Variants in ZNF518A observed in about 807,000 individuals in gnomAD.
ZNF518A encodes the protein zinc finger protein 518A.
In ZNF518A, 47 loss-of-function variants were observed where a neutral mutation model predicts 102.7. The ratio of observed to expected loss-of-function variants is 0.46; its 90% confidence interval spans 0.36 to 0.58. The LOEUF (loss-of-function observed/expected upper bound fraction) is 0.58. ZNF518A is among the 20% of genes least tolerant of loss of function. The pLI is 0.00. For synonymous variants in ZNF518A, 652 were observed against 594.6 expected (o/e 1.10, Z -1.40); for missense variants, 1,793 against 1,699.8 (o/e 1.05, Z -0.96).
At chr10:96,191,240 T>TTTC (rs1362735320) in intron 1 of ZNF518A, among the ~76,000 whole-genome samples, 6 of 150,768 alleles carry the variant, frequency 4.0e-5, no homozygotes, top group Non-Finnish European at 8.9e-5. Context: ...AACCTCTTTT[T>TTTC]TTTTTTTTTT....
intron 1 of ZNF518A, among the ~76,000 whole-genome samples, chr10:96,195,993 T>C (rs1452566779): frequency 1.3e-5 from 2 of 152,244 alleles, no homozygotes; most frequent in Non-Finnish European, 2.9e-5. Flanking sequence ...GAAAAGACAT[T>C]GTCCTTGGCT....
intron 3 of ZNF518A, among the ~76,000 whole-genome samples, chr10:96,152,091 C>G (rs1470522721): frequency 6.6e-6 from 1 of 152,178 alleles, no homozygotes; most frequent in African/African-American, 2.4e-5. Flanking sequence ...GCGAGTGGAT[C>G]GCTTGAGCTC....
upstream of ZNF518A, chr10:96,130,261 G>C (rs1388244495): frequency 6.6e-6 from 1 of 152,374 alleles, no homozygotes; most frequent in Non-Finnish European, 1.5e-5. Context: ...GAGGAAGCGC[G>C]AGTTAAATAG....
intron 1 of ZNF518A, among the ~76,000 whole-genome samples, chr10:96,183,361 G>A (rs2133894664): frequency 6.6e-6 from 1 of 152,208 alleles, no homozygotes; most frequent in East Asian, 1.9e-4. Flanking sequence ...GCTAGCTTTT[G>A]AATGTGTTTG....
chr10:96,130,963 G>C (rs587725478), intron 1 of ZNF518A: 1 of 152,216 alleles, frequency 6.6e-6, no homozygotes, highest in African/African-American at 2.4e-5. Context: ...TAAGTGGACC[G>C]ATCAAACAGA....
chr10:96,131,161 G>T (rs1266943744), intron 1 of ZNF518A, among the ~76,000 whole-genome samples: 7 of 152,174 alleles, frequency 4.6e-5, no homozygotes, highest in African/African-American at 1.7e-4. Context: ...GTTGGAATTT[G>T]TACAGTTGTC....
Position 96,158,105 on chromosome 10 carries a change from A to T in ZNF518A, c.1783A>T (p.Ile595Phe). ...TCACCCCGAGGTATTAGGTACCACC[A>T]TTAAAAGTCCAGATAAAGTCAACTG... ...QSHPEVLGTT[I>F]KSPDKVNCVA... The change falls in exon 6 of 6, where the codon ATT (isoleucine) becomes TTT (phenylalanine). Residue 595 changes from isoleucine to phenylalanine, a missense_variant. Physicochemically the swap from Ile to Phe is conservative, Grantham distance 21 (BLOSUM62 0). Around this residue, in one of 3 missense-constraint regions of ZNF518A, gnomAD observed 1,741 missense variants for 1,622.6 expected, o/e 1.07. Coordinates refer to ENST00000316045, the MANE Select transcript of ZNF518A (RefSeq NM_001330736.2). 1.2e-6 allele frequency: 2 copies of T among 1,613,614 alleles called. No homozygotes were observed. Among genetic ancestry groups the T allele is most frequent in the Non-Finnish European group, 1.7e-6 (2 of 1,179,686 alleles).
chr10:96,157,503 C>T lies in ZNF518A; in HGVS notation c.1181C>T (p.Thr394Ile), dbSNP rs368592592. The T allele has an allele frequency of 1.7e-5, 27 of 1,613,842 alleles. No homozygotes were observed. Among genetic ancestry groups the T allele is most frequent in the Non-Finnish European group, 2.2e-5 (26 of 1,179,772 alleles). Residue 394 changes from threonine to isoleucine, a missense_variant, in exon 6 of 6, where the codon ACT (threonine) becomes ATT (isoleucine). Physicochemically the swap from Thr to Ile is moderately conservative, Grantham distance 89. This residue lies in a region of ZNF518A where 1,741 missense variants were observed against 1,622.6 expected (regional missense o/e 1.07). Transcript: ENST00000316045. ...KAPESESEKP[T>I]PLSTGQGNRA... is the part of the protein sequence containing the mutation. Reference sequence around the variant, plus strand: ...CCTGAATCAGAGTCAGAGAAGCCAACTCCTCTGTCCACTGGGCAAGGTAAT... The same window carrying T: ...CCTGAATCAGAGTCAGAGAAGCCAATTCCTCTGTCCACTGGGCAAGGTAAT...
chr10:96,196,976 T>G, intron 1 of ZNF518A: 1 of 1,613,490 alleles, frequency 6.2e-7, no homozygotes, highest in Non-Finnish European at 8.5e-7. Flanking sequence ...ACAGGAATAT[T>G]ATATACTCGC....
At chr10:96,177,434 T>A (rs2083212119) in intron 1 of ZNF518A, among the ~76,000 whole-genome samples, 1 of 152,196 alleles carries the variant, frequency 6.6e-6, no homozygotes, top group African/African-American at 2.4e-5. Context: ...CACAAAGGAA[T>A]TAAGAGCACT....
Position 96,162,229 on chromosome 10 carries a change from CAGTTT to C in ZNF518A, c.*1460_*1464del, listed in dbSNP as rs1408279289. 6.0e-6 allele frequency: 1 copy of C among 166,726 alleles called. No homozygotes were observed. Among genetic ancestry groups the C allele is most frequent in the African/African-American group, 2.4e-5 (1 of 41,400 alleles). 10.3% of individuals were successfully genotyped at this position (166,726 alleles called of 1,614,324 possible). A position where few individuals can be genotyped will look rare whatever the true frequency, so the allele number is the denominator to read the frequency against. On this transcript the variant is annotated 3_prime_UTR_variant, in exon 6 of 6. Coordinates refer to ENST00000316045, the MANE Select transcript of ZNF518A (RefSeq NM_001330736.2). ...TTTTTGGCATAAGTTTATTTTCTTT[CAGTTT>C]AGTTCAGTGCATGCACTAATAAAAC...
downstream of ZNF518A, among the ~76,000 whole-genome samples, chr10:96,167,796 A>G (rs1554890523): frequency 1.3e-5 from 2 of 152,234 alleles, no homozygotes; most frequent in East Asian, 1.9e-4. Flanking sequence ...AAACTGTAAA[A>G]CTTACAAAAA....
At chr10:96,196,601 A>T (rs1301143734) in intron 1 of ZNF518A, among the ~76,000 whole-genome samples, 4 of 152,166 alleles carry the variant, frequency 2.6e-5, no homozygotes, top group African/African-American at 9.7e-5. Context: ...TACAACCTTA[A>T]TTCAACTTGA....
At chr10:96,174,850 G>C (rs1327193092) in intron 1 of ZNF518A, among the ~76,000 whole-genome samples, 1 of 152,130 alleles carries the variant, frequency 6.6e-6, no homozygotes, top group Non-Finnish European at 1.5e-5. Flanking sequence ...GCATATGTTG[G>C]TGCTTTAACC....
Position 96,159,450 on chromosome 10 carries a change from A to G in ZNF518A, c.3128A>G (p.Asn1043Ser). ...TTGAGCATGAAAAGTAGCTCAGAAA[A>G]TACTTTGCCATTAAAAGGCCCTTAC... ...SCLSMKSSSE[N>S]TLPLKGPYIL... Residue 1043 changes from asparagine (N) to serine (S), a missense_variant, in exon 6 of 6, where the codon AAT becomes AGT. Physicochemically the swap from Asn to Ser is conservative, Grantham distance 46. Transcript: ENST00000316045. 1 of 1,613,818 alleles carries G rather than the reference A, an allele frequency of 6.2e-7. No homozygotes were observed. The highest frequency in any genetic ancestry group is 8.5e-7 in the Non-Finnish European group (1 of 1,179,800).
chr10:96,152,316 A>G (rs1564761799), intron 3 of ZNF518A, among the ~76,000 whole-genome samples: 1 of 152,174 alleles, frequency 6.6e-6, no homozygotes, highest in African/African-American at 2.4e-5. Flanking sequence ...GTCTCAAAAT[A>G]AATAAGTAAA....
rs782161449 is a variant in ZNF518A at position 96,158,862 on chromosome 10, G to A, written c.2540G>A (p.Gly847Asp). ...TTCCCAGTTCCACCTGGCAGTGTGG[G>A]TATTAATGTGCCTACAAATGATTTG... is the stretch of plus-strand genomic sequence containing the variant. ...GIFPVPPGSVGINVPTNDLNL... is the reference protein window; with the variant it reads ...GIFPVPPGSVDINVPTNDLNL... The change falls in exon 6 of 6, where the codon GGT becomes GAT. Residue 847 changes from glycine to aspartate, a missense_variant. Transcript: ENST00000316045. 6.8e-6 allele frequency: 11 copies of A among 1,613,708 alleles called. No individual in the cohort carries two copies. Among genetic ancestry groups the A allele is most frequent in the Non-Finnish European group, 8.5e-6 (10 of 1,179,738 alleles).
At position 96,156,411 on chromosome 10, in the gene ZNF518A, G is replaced by A. The variant is rs587597972; in HGVS notation, c.89G>A (p.Arg30Lys). 13 of 1,611,046 alleles carry A rather than the reference G, an allele frequency of 8.1e-6. No homozygotes were observed. In the Admixed American group the frequency reaches 1.5e-4, roughly 19 times the overall value. Reference sequence around the variant, plus strand: ...GATGTGAAAAATGAGATAGTTGATAGGTCGGCACCTAAACCAAAAATTTCA... The same window carrying A: ...GATGTGAAAAATGAGATAGTTGATAAGTCGGCACCTAAACCAAAAATTTCA... ...DYDVKNEIVD[R>K]SAPKPKISGS... Residue 30 changes from arginine (R) to lysine (K), a missense_variant, in exon 6 of 6, where the codon AGG becomes AAG. Arg to Lys is a conservative substitution (Grantham distance 26). This residue lies in a region of ZNF518A where 1,741 missense variants were observed against 1,622.6 expected (regional missense o/e 1.07). Transcript: ENST00000316045.
rs1554885550 is a variant in ZNF518A, at chr10:96,159,143, C to T, written c.2821C>T (p.Pro941Ser). The T allele has an allele frequency of 6.2e-7, 1 of 1,613,210 alleles. No individual in the cohort carries two copies. The highest frequency in any genetic ancestry group is 8.5e-7 in the Non-Finnish European group (1 of 1,179,642). Residue 941 changes from proline (P) to serine (S), a missense_variant, in exon 6 of 6, where the codon CCA becomes TCA. Pro to Ser is a moderately conservative substitution (Grantham distance 74, BLOSUM62 -1). Coordinates refer to ENST00000316045, the MANE Select transcript of ZNF518A (RefSeq NM_001330736.2). ...IVQTSKGFLI[P>S]LNITNKPGLP... ...TCAGACTTCAAAAGGATTCTTAATA[C>T]CATTGAACATTACTAACAAGCCTGG...
Sources: gnomAD v4.1 joint callset for allele counts (sites outside exome capture counted in the v4.1 genomes callset) on GRCh38, gnomAD v4.1.1 for gene constraint, gnomAD v4.1.1 regional missense constraint, MANE v1.5 for transcripts, NCBI Gene and HGNC (gene_info 2026-07-23, HGNC 2026-07-21) for gene names.